Variants in MED27 observed in about 807,000 individuals in gnomAD.
MED27 encodes the protein mediator complex subunit 27.
Under a neutral mutation model 38.2 loss-of-function variants are expected in MED27, and 30 were observed. The observed-to-expected ratio is 0.79, with a 90% CI of 0.59 to 1.07. The LOEUF (loss-of-function observed/expected upper bound fraction) is 1.07, where lower values mean the gene tolerates loss of function less well. MED27 is among the 50% of genes least tolerant of loss of function. MED27 has a pLI of 0.00. For synonymous variants in MED27, 122 were observed against 153.5 expected, an observed-to-expected ratio of 0.79 and a Z score of 1.52; for missense variants, 289 against 397.5, an observed-to-expected ratio of 0.73 and a Z score of 2.32.
intron 4 of MED27, among the ~76,000 whole-genome samples, chr9:131,900,055 T>C (rs1015034341): frequency 5.3e-5 from 8 of 152,214 alleles, no homozygotes; most frequent in African/African-American, 4.8e-5. Flanking sequence ...CACTTTTCTA[T>C]ACCAAGCAGC....
intron 3 of MED27, among the ~76,000 whole-genome samples, chr9:131,981,357 G>T (rs1032154936): frequency 3.9e-5 from 6 of 152,158 alleles, no homozygotes; most frequent in African/African-American, 1.4e-4. Context: ...CATGTGTAAA[G>T]CCCCATGGAA....
intron 4 of MED27, among the ~76,000 whole-genome samples, chr9:131,900,924 GGAGAGGGAGA>G (rs1177353575): frequency 2.0e-5 from 3 of 150,562 alleles, no homozygotes; most frequent in Admixed American, 6.7e-5. Flanking sequence ...AAAGAGAGAG[GGAGAGGGAGA>G]GAGAGGGAGG....
intron 6 of MED27, among the ~76,000 whole-genome samples, chr9:131,863,569 C>T (rs1468615197): frequency 6.6e-6 from 1 of 152,260 alleles, no homozygotes; most frequent in African/African-American, 2.4e-5. Context: ...GTTTTCCCAA[C>T]AGGGCAATTG....
chr9:132,016,230 C>T (rs1832599911), intron 2 of MED27, among the ~76,000 whole-genome samples: 1 of 152,164 alleles, frequency 6.6e-6, no homozygotes, highest in African/African-American at 2.4e-5. Flanking sequence ...TGATCTGCTC[C>T]TGGAAAGTGG....
At chr9:131,973,731 G>A (rs977360076) in intron 3 of MED27, among the ~76,000 whole-genome samples, 7 of 151,604 alleles carry the variant, frequency 4.6e-5, no homozygotes, top group Admixed American at 2.0e-4. Context: ...TCTTCGAGAC[G>A]GAGTCTTGCT....
At chr9:132,062,443 C>T (rs1833716385) in intron 2 of MED27, among the ~76,000 whole-genome samples, 1 of 152,136 alleles carries the variant, frequency 6.6e-6, no homozygotes, top group Non-Finnish European at 1.5e-5. Flanking sequence ...GAGGTGGGCC[C>T]ATCTGAACAT....
chr9:131,902,483 G>T (rs1207080402), intron 4 of MED27, among the ~76,000 whole-genome samples: 1 of 152,076 alleles, frequency 6.6e-6, no homozygotes, highest in Non-Finnish European at 1.5e-5. Flanking sequence ...AGGAAGAGGG[G>T]GCCACCAGGA....
intron 4 of MED27, among the ~76,000 whole-genome samples, chr9:131,901,748 G>A (rs1164144935): frequency 6.6e-6 from 1 of 152,048 alleles, no homozygotes; most frequent in Admixed American, 6.5e-5. Context: ...ACTTTTCCTA[G>A]GGGGTCTTTC....
chr9:131,996,535 T>C (rs1478681263), intron 3 of MED27, among the ~76,000 whole-genome samples: 1 of 152,204 alleles, frequency 6.6e-6, no homozygotes, highest in Non-Finnish European at 1.5e-5. Flanking sequence ...ACTGGACTCC[T>C]GGAGGGGCAG....
intron 2 of MED27, among the ~76,000 whole-genome samples, chr9:132,059,620 C>G (rs1486696269): frequency 6.6e-6 from 1 of 152,154 alleles, no homozygotes; most frequent in Non-Finnish European, 1.5e-5. Context: ...ACAGTGGAAG[C>G]CTTAAACACA....
chr9:132,076,967 G>A (rs981980186), intron 2 of MED27, among the ~76,000 whole-genome samples: 4 of 152,194 alleles, frequency 2.6e-5, no homozygotes, highest in Admixed American at 2.6e-4. Flanking sequence ...AGTAATTAGA[G>A]AGTCATCTAA....
chr9:132,049,814 A>G (rs1833421843), intron 2 of MED27, among the ~76,000 whole-genome samples: 1 of 152,220 alleles, frequency 6.6e-6, no homozygotes, highest in Non-Finnish European at 1.5e-5. Context: ...TTCAGCTCTC[A>G]GAAATAGGAG....
At chr9:131,870,403 C>G (rs1014442741) in intron 6 of MED27, among the ~76,000 whole-genome samples, 2 of 152,316 alleles carry the variant, frequency 1.3e-5, no homozygotes, top group South Asian at 2.1e-4. Flanking sequence ...AAGCGCCCGC[C>G]AAATGTGTCC....
intron 4 of MED27, among the ~76,000 whole-genome samples, chr9:131,928,290 A>G (rs1830518268): frequency 6.6e-6 from 1 of 152,128 alleles, no homozygotes; most frequent in South Asian, 2.1e-4. Flanking sequence ...TTAAAAATGT[A>G]TCCTGAGGTG....
At chr9:132,056,829 G>A (rs1245524173) in intron 2 of MED27, among the ~76,000 whole-genome samples, 2 of 152,176 alleles carry the variant, frequency 1.3e-5, no homozygotes, top group Admixed American at 6.5e-5. Context: ...ACAAAGAGCT[G>A]GCTCCAGATG....
At chr9:131,891,096 G>A (rs1385505626) in intron 5 of MED27, among the ~76,000 whole-genome samples, 5 of 152,204 alleles carry the variant, frequency 3.3e-5, no homozygotes, top group Non-Finnish European at 7.3e-5. Context: ...CATAAGCAAA[G>A]AGGCTCTTGG....
At chr9:132,068,466 AGGG>A (rs1833858623) in intron 2 of MED27, among the ~76,000 whole-genome samples, 7 of 152,274 alleles carry the variant, frequency 4.6e-5, no homozygotes, top group African/African-American at 1.7e-4. Flanking sequence ...TAGATTAGAA[AGGG>A]TAGACTACAG....
In MED27 at chr9:132,026,142, C is replaced by G. The variant is rs111993179; in HGVS notation, c.349-11675G>C. Among the ~76,000 whole-genome samples the G allele has an allele frequency of 5.1e-3, 771 of 152,276 alleles. 5 individuals are homozygous for G. Among genetic ancestry groups the G allele is most frequent in the African/African-American group, 0.017 (694 of 41,540 alleles). Reference sequence around the variant, plus strand: ...TGCTGTGAAGAACAAGCCGAGCAACCAAAATGAGGAGCAGCAGCAGCCAGC... The same window carrying G: ...TGCTGTGAAGAACAAGCCGAGCAACGAAAATGAGGAGCAGCAGCAGCCAGC... On this transcript the variant is annotated intron_variant, in intron 2 of 7. Transcript: ENST00000292035.
intron 2 of MED27, among the ~76,000 whole-genome samples, chr9:132,056,795 C>T (rs1833588025): frequency 6.6e-6 from 1 of 152,192 alleles, no homozygotes; most frequent in Admixed American, 6.5e-5. Flanking sequence ...ACCCCAACTC[C>T]ATGGACACAT....
Sources: gnomAD v4.1 joint callset for allele counts (sites outside exome capture counted in the v4.1 genomes callset) on GRCh38, gnomAD v4.1.1 for gene constraint, MANE v1.5 for transcripts, NCBI Gene and HGNC (gene_info 2026-07-23, HGNC 2026-07-21) for gene names.